PPFIBP1: variants seen among roughly 807,000 people sequenced by gnomAD.
PPFIBP1 encodes the protein PPFIB scaffold protein 1, also known as liprin-beta-1.
Under a neutral mutation model 137.8 loss-of-function variants are expected in PPFIBP1, and 112 were observed. The observed-to-expected ratio is 0.81, with a 90% CI of 0.70 to 0.95. PPFIBP1 has a LOEUF of 0.95. PPFIBP1 is among the 40% of genes least tolerant of loss of function. The pLI, the probability that PPFIBP1 is intolerant of heterozygous loss-of-function variation, is 0.00. For missense variants in PPFIBP1, 1,083 were observed against 1,196.6 expected (o/e 0.91, Z 1.40); for synonymous variants, 378 against 417.3 (o/e 0.91, Z 1.15).
chr12:27,645,784 T>C (rs1262116111), intron 4 of PPFIBP1, among the ~76,000 whole-genome samples: 1 of 152,220 alleles, frequency 6.6e-6, no homozygotes, highest in Non-Finnish European at 1.5e-5. Flanking sequence ...CTGCTCTCAG[T>C]GAAGAATACC....
At chr12:27,567,062 T>C (rs949016514) in intron 1 of PPFIBP1, among the ~76,000 whole-genome samples, 2 of 152,230 alleles carry the variant, frequency 1.3e-5, no homozygotes, top group African/African-American at 2.4e-5. Context: ...GTTCTGTCTG[T>C]CTTTCTAATC....
intron 2 of PPFIBP1, among the ~76,000 whole-genome samples, chr12:27,580,069 C>T (rs113670977): frequency 5.9e-5 from 9 of 152,182 alleles, no homozygotes; most frequent in African/African-American, 2.2e-4. Context: ...TCTTACCAAT[C>T]AGATCAAGAA....
intron 1 of PPFIBP1, among the ~76,000 whole-genome samples, chr12:27,551,211 TAGAC>T (rs766118437): frequency 1.2e-4 from 19 of 152,194 alleles, no homozygotes; most frequent in Admixed American, 4.6e-4. Context: ...TGTGATCTGA[TAGAC>T]AGGTGCTCAG....
At position 27,656,674 on chromosome 12, in the gene PPFIBP1, T is replaced by C. The variant is rs775994397; in HGVS notation, c.755T>C (p.Leu252Pro). ...GAAAAGGAATCTGAAGTAAAAAGGC[T>C]ACAAGAAAAATTGGTTTGCAAGATG... ...LEEKESEVKR[L>P]QEKLVCKMKG... Residue 252 changes from leucine (L) to proline (P), a missense_variant, in exon 9 of 30, where the codon CTA becomes CCA. Coordinates refer to ENST00000228425, the MANE Select transcript of PPFIBP1 (RefSeq NM_003622.4). The C allele has an allele frequency of 6.2e-7, 1 of 1,613,128 alleles. No homozygotes were observed. The highest frequency in any genetic ancestry group is 8.5e-7 in the Non-Finnish European group (1 of 1,179,236).
At chr12:27,582,093 T>G (rs2051187866) in intron 2 of PPFIBP1, among the ~76,000 whole-genome samples, 1 of 152,132 alleles carries the variant, frequency 6.6e-6, no homozygotes, top group Non-Finnish European at 1.5e-5. Flanking sequence ...TCCTCACCTC[T>G]TAGGAAATTG....
intron 2 of PPFIBP1, among the ~76,000 whole-genome samples, chr12:27,607,888 A>G (rs2054693770): frequency 6.6e-6 from 1 of 151,720 alleles, no homozygotes; most frequent in Non-Finnish European, 1.5e-5. Flanking sequence ...GAATGTGGCT[A>G]TGGAGAATAA....
intron 1 of PPFIBP1, among the ~76,000 whole-genome samples, chr12:27,563,217 G>A (rs531630101): frequency 2.8e-5 from 4 of 141,108 alleles, no homozygotes; most frequent in East Asian, 2.2e-4. Flanking sequence ...TGAGGTAGGC[G>A]GATCACGAGG....
rs1565869185 is a variant in PPFIBP1, at chr12:27,611,799, TCTC to T, written c.-35-21562_-35-21560del. ...GTCAACACTGTGCTCTCTCTCTCTC[TCTC>T]TCTCTCTCTCTCTCTCATTTGTTTC... On this transcript the variant is annotated intron_variant, in intron 2 of 29. Coordinates refer to ENST00000228425, the MANE Select transcript of PPFIBP1 (RefSeq NM_003622.4). 6.0e-3 allele frequency among the ~76,000 whole-genome samples: 912 copies of T among 152,034 alleles called. 9 individuals carry two copies. Among genetic ancestry groups the T allele is most frequent in the African/African-American group, 0.021 (861 of 41,450 alleles).
At chr12:27,650,248 C>T (rs1210676383) in intron 7 of PPFIBP1, 107 bp downstream of exon 7, 2 of 913,194 alleles carry the variant, frequency 2.2e-6, no homozygotes, top group East Asian at 3.0e-5. Context: ...TGGAGGTGTG[C>T]AAGGAAGGCA....
At chr12:27,646,897 C>A (rs989920437) in intron 5 of PPFIBP1, among the ~76,000 whole-genome samples, 5 of 152,244 alleles carry the variant, frequency 3.3e-5, no homozygotes, top group African/African-American at 1.2e-4. Flanking sequence ...AGCCCAACAG[C>A]TCCTCAGGCA....
intron 1 of PPFIBP1, among the ~76,000 whole-genome samples, chr12:27,551,728 G>A (rs768012502): frequency 1.3e-5 from 2 of 152,062 alleles, no homozygotes; most frequent in African/African-American, 2.4e-5. Flanking sequence ...TTTCATGTTC[G>A]TCTTAATTCT....
chr12:27,650,731 G>C (rs1386887203), intron 7 of PPFIBP1, among the ~76,000 whole-genome samples: 1 of 152,122 alleles, frequency 6.6e-6, no homozygotes, highest in African/African-American at 2.4e-5. Context: ...CATTTTAGTG[G>C]CTTAACAAGC....
At position 27,612,629 on chromosome 12, in the gene PPFIBP1, G is replaced by A. The variant is rs533674984; in HGVS notation, c.-35-20733G>A. On this transcript the variant is annotated intron_variant, in intron 2 of 29. Transcript: ENST00000228425. ...CTCCGAAAGTGCTGGAATTACAGGT[G>A]TGAGCCACAGCGCCCGGCTCCACCT... Among the ~76,000 whole-genome samples, 9 of 152,122 alleles carry A rather than the reference G, an allele frequency of 5.9e-5. No individual in the cohort carries two copies. In the South Asian group the frequency reaches 6.2e-4, roughly 11 times the overall value.
At chr12:27,543,302 T>C (rs921028850) in intron 1 of PPFIBP1, among the ~76,000 whole-genome samples, 56 of 152,238 alleles carry the variant, frequency 3.7e-4, no homozygotes, top group Non-Finnish European at 1.3e-4. Context: ...CTTTTTTCTA[T>C]GGAGTTAAAA....
At chr12:27,679,257 A>G (rs1049472324) in intron 19 of PPFIBP1, among the ~76,000 whole-genome samples, 2 of 152,218 alleles carry the variant, frequency 1.3e-5, no homozygotes, top group Admixed American at 6.5e-5. Flanking sequence ...TGGCAATCCT[A>G]TCACATTCTT....
chr12:27,537,737 G>A (rs1429077421), intron 1 of PPFIBP1, among the ~76,000 whole-genome samples: 2 of 151,860 alleles, frequency 1.3e-5, no homozygotes, highest in Admixed American at 1.3e-4. Flanking sequence ...CTTGTCCTGC[G>A]CTGGTGCCTT....
intron 2 of PPFIBP1, chr12:27,593,535 A>C: frequency 2.6e-6 from 1 of 387,852 alleles, no homozygotes; most frequent in Non-Finnish European, 5.0e-6. Context: ...CCATTTCTGG[A>C]GGGGAGCTGC....
intron 11 of PPFIBP1, among the ~76,000 whole-genome samples, chr12:27,661,732 A>C (rs1453397407): frequency 6.6e-6 from 1 of 152,134 alleles, no homozygotes; most frequent in Non-Finnish European, 1.5e-5. Flanking sequence ...AAAGTCAAAG[A>C]ACTTTAGCTT....
chr12:27,561,174 G>A (rs956044520), intron 1 of PPFIBP1, among the ~76,000 whole-genome samples: 1 of 152,184 alleles, frequency 6.6e-6, no homozygotes, highest in African/African-American at 2.4e-5. Context: ...CTTTATGGAA[G>A]GGGAAGGGGT....
Sources: allele counts gnomAD v4.1 joint callset (sites outside exome capture counted in the v4.1 genomes callset), GRCh38; gene constraint gnomAD v4.1.1; transcripts MANE v1.5; gene names NCBI Gene and HGNC (gene_info 2026-07-23, HGNC 2026-07-21).